The following PPDPFL variants were observed in gnomAD, a reference collection of about 807,000 sequenced individuals.
PPDPFL encodes pancreatic progenitor cell differentiation and proliferation factor like.
PPDPFL carries 12 observed loss-of-function variants against 12.6 expected under a neutral mutation model. That is an observed-to-expected ratio of 0.95 (90% CI 0.61 to 1.54). The LOEUF is 1.54. Ranked by LOEUF, PPDPFL falls within the 40% of genes most tolerant of loss-of-function variation. The pLI is 0.00. For synonymous variants in PPDPFL, 24 were observed against 32.7 expected, an observed-to-expected ratio of 0.73 and a Z score of 0.91; for missense variants, 114 against 96.0, an observed-to-expected ratio of 1.19 and a Z score of -0.78.
chr8:49,065,492 T>C (rs1808280097), intron 1 of PPDPFL, among the ~76,000 whole-genome samples: 1 of 152,168 alleles, frequency 6.6e-6, no homozygotes, highest in South Asian at 2.1e-4. Flanking sequence ...CGAAAACTGA[T>C]ATTAATTTGG....
rs1435676677 is a variant in PPDPFL, at chr8:49,076,037, T to G, written c.*864T>G. On this transcript the variant is annotated 3_prime_UTR_variant, in exon 5 of 5. Coordinates refer to ENST00000522267, the MANE Select transcript of PPDPFL (RefSeq NM_001256597.2). ...ATTTTTCCATATCTCCCAATTTTTC[T>G]AATATGACAAGTATTGTGCGTAATT... 6.6e-6 allele frequency: 1 copy of G among 152,202 alleles called. No individual in the cohort carries two copies. Among genetic ancestry groups the G allele is most frequent in the Non-Finnish European group, 1.5e-5 (1 of 68,046 alleles). 9.4% of individuals were successfully genotyped at this position (152,202 alleles called of 1,614,324 possible). A position where few individuals can be genotyped will look rare whatever the true frequency, so the allele number is the denominator to read the frequency against.
chr8:49,063,274 G>T (rs1261794089), intron 1 of PPDPFL, among the ~76,000 whole-genome samples: 3 of 152,180 alleles, frequency 2.0e-5, no homozygotes, highest in Non-Finnish European at 2.9e-5. Flanking sequence ...TCACTGCCCT[G>T]TGATGCAGGA....
intron 1 of PPDPFL, among the ~76,000 whole-genome samples, chr8:49,065,803 G>T (rs969047961): frequency 2.0e-5 from 3 of 152,164 alleles, no homozygotes; most frequent in African/African-American, 4.8e-5. Context: ...TTGCTCCTTG[G>T]CAGCCCGGCA....
intron 1 of PPDPFL, among the ~76,000 whole-genome samples, chr8:49,058,082 G>A (rs1808139758): frequency 6.6e-6 from 1 of 152,072 alleles, no homozygotes; most frequent in South Asian, 2.1e-4. Flanking sequence ...CATTTTATTA[G>A]CCCTCATCAA....
At chr8:49,065,160 A>G (rs1808274846) in intron 1 of PPDPFL, among the ~76,000 whole-genome samples, 1 of 152,100 alleles carries the variant, frequency 6.6e-6, no homozygotes, top group South Asian at 2.1e-4. Flanking sequence ...CAAAAAAACA[A>G]AAAACAAGTG....
At position 49,075,846 on chromosome 8, in the gene PPDPFL, T is replaced by C. The variant is rs1355532480; in HGVS notation, c.*673T>C. The C allele has an allele frequency of 6.5e-6, 1 of 153,370 alleles. No individual in the cohort carries two copies. The highest frequency in any genetic ancestry group is 1.9e-4 in the East Asian group (1 of 5,226). The allele number at this position is 153,370 out of a possible 1,614,324, so 9.5% of individuals were successfully genotyped here. A position where few individuals can be genotyped will look rare whatever the true frequency, so the allele number is the denominator to read the frequency against. On this transcript the variant is annotated 3_prime_UTR_variant, in exon 5 of 5. Coordinates refer to ENST00000522267, the MANE Select transcript of PPDPFL (RefSeq NM_001256597.2). ...TAATATTTAATAACATGGAAAATTA[T>C]ATTATGGCATTAAAAATTAGCATAA...
intron 4 of PPDPFL, 114 bp from the exon 5 acceptor site, chr8:49,075,037 GA>G: frequency 6.8e-7 from 1 of 1,475,152 alleles, no homozygotes; most frequent in South Asian, 1.2e-5. Flanking sequence ...ATGCAAGATT[GA>G]TTGTTGGAAA....
chr8:49,062,401 T>TA (rs1384852520), intron 1 of PPDPFL, among the ~76,000 whole-genome samples: 19 of 151,980 alleles, frequency 1.3e-4, no homozygotes, highest in Non-Finnish European at 7.4e-5. Context: ...GAAGAAAGGG[T>TA]AAAAAACCAA....
At chr8:49,057,079 T>A (rs1227799650) in intron 1 of PPDPFL, among the ~76,000 whole-genome samples, 1 of 152,188 alleles carries the variant, frequency 6.6e-6, no homozygotes, top group African/African-American at 2.4e-5. Flanking sequence ...TCCCTTAATT[T>A]TTTGAAAGCT....
At chr8:49,060,252 T>A (rs537244621) in intron 1 of PPDPFL, among the ~76,000 whole-genome samples, 1 of 151,906 alleles carries the variant, frequency 6.6e-6, no homozygotes, top group African/African-American at 2.4e-5. Context: ...TATCCCTATG[T>A]TATTAAAAAT....
At chr8:49,057,231 G>A (rs1201040247) in intron 1 of PPDPFL, among the ~76,000 whole-genome samples, 1 of 152,116 alleles carries the variant, frequency 6.6e-6, no homozygotes, top group Non-Finnish European at 1.5e-5. Flanking sequence ...TTCACTTTAT[G>A]ATTTCAGTTT....
rs1234091687 is a variant in PPDPFL at position 49,075,899 on chromosome 8, G to A, written c.*726G>A. ...CACCATATATGGTACAATCGTAGTTGTATTAAAAAGTTACATATGCATAAA... is the reference window on the plus strand; with the variant it reads ...CACCATATATGGTACAATCGTAGTTATATTAAAAAGTTACATATGCATAAA... On this transcript the variant is annotated 3_prime_UTR_variant, in exon 5 of 5. Transcript: ENST00000522267. 1 of 152,128 alleles carries A rather than the reference G, an allele frequency of 6.6e-6. No homozygotes were observed. The highest frequency in any genetic ancestry group is 1.5e-5 in the Non-Finnish European group (1 of 68,054). The allele number at this position is 152,128 out of a possible 1,614,324, so 9.4% of individuals were successfully genotyped here. A position where few individuals can be genotyped will look rare whatever the true frequency, so the allele number is the denominator to read the frequency against.
At chr8:49,073,118 A>T (rs547658780) in intron 2 of PPDPFL, among the ~76,000 whole-genome samples, 5 of 152,228 alleles carry the variant, frequency 3.3e-5, no homozygotes, top group African/African-American at 9.6e-5. Flanking sequence ...ATCAGTGAAC[A>T]TCGGCTTATG....
intron 1 of PPDPFL, among the ~76,000 whole-genome samples, chr8:49,064,465 AGAT>A (rs1808261804): frequency 6.6e-6 from 1 of 151,986 alleles, no homozygotes; most frequent in Non-Finnish European, 1.5e-5. Context: ...GCCCCTGAGG[AGAT>A]GCTCCTCAGG....
chr8:49,055,120 T>C (rs1808092530), intron 1 of PPDPFL, among the ~76,000 whole-genome samples: 1 of 152,174 alleles, frequency 6.6e-6, no homozygotes, highest in African/African-American at 2.4e-5. Context: ...CTATGGTTTC[T>C]TCCTTGGCTG....
rs1297927724 is a variant in PPDPFL, at chr8:49,063,907, CACACTGAA to C, written c.-44-8879_-44-8872del. 1.1e-3 allele frequency among the ~76,000 whole-genome samples: 161 copies of C among 152,234 alleles called. 3 individuals carry two copies. Among genetic ancestry groups the C allele is most frequent in the Admixed American group, 0.01 (160 of 15,288 alleles). On this transcript the variant is annotated intron_variant, in intron 1 of 4. Transcript: ENST00000517663. ...TCCTTCCCAGTAGTGTCACATAGGA[CACACTGAA>C]TTCTTCCAGTGAAGATGTGTGACAT... is the stretch of plus-strand genomic sequence containing the variant.
intron 1 of PPDPFL, among the ~76,000 whole-genome samples, chr8:49,067,078 T>C (rs1009709974): frequency 6.6e-6 from 1 of 152,204 alleles, no homozygotes; most frequent in Non-Finnish European, 1.5e-5. Flanking sequence ...AATTAATGGA[T>C]AGACTACAGA....
At chr8:49,073,712 T>A (rs1808435686) in intron 2 of PPDPFL, among the ~76,000 whole-genome samples, 1 of 152,218 alleles carries the variant, frequency 6.6e-6, no homozygotes, top group Non-Finnish European at 1.5e-5. Flanking sequence ...TATACATATA[T>A]GTAATATTTC....
chr8:49,057,394 T>G (rs1477483902), intron 1 of PPDPFL, among the ~76,000 whole-genome samples: 2 of 152,172 alleles, frequency 1.3e-5, no homozygotes, highest in Non-Finnish European at 2.9e-5. Context: ...AACAAACTAT[T>G]TCAGTATATT....
Sources: allele counts gnomAD v4.1 joint callset (sites outside exome capture counted in the v4.1 genomes callset), GRCh38; gene constraint gnomAD v4.1.1; transcripts MANE v1.5; gene names NCBI Gene and HGNC (gene_info 2026-07-23, HGNC 2026-07-21).